WWOX: variants seen among roughly 807,000 people sequenced by gnomAD.
WWOX encodes WW domain containing oxidoreductase, also known as WW domain-containing oxidoreductase.
A neutral mutation model predicts 46.2 loss-of-function variants in WWOX; 69 were observed. The ratio of observed to expected loss-of-function variants is 1.49; its 90% CI spans 1.23 to 1.82. The LOEUF (loss-of-function observed/expected upper bound fraction) is 1.82. Ranked by LOEUF, WWOX falls within the 40% of genes most tolerant of loss-of-function variation. WWOX has a pLI of 0.00. For missense variants in WWOX, 919 were observed against 542.6 expected (o/e 1.69, Z -6.89); for synonymous variants, 359 against 202.6 (o/e 1.77, Z -6.56).
chr16:78,605,357 T>C (rs1018330707), intron 8 of WWOX, among the ~76,000 whole-genome samples: 5 of 151,108 alleles, frequency 3.3e-5, no homozygotes, highest in African/African-American at 1.2e-4. Context: ...ACTTCTTAAG[T>C]CCTTAAAAAA....
chr16:78,518,080 G>A (rs558909226), intron 8 of WWOX, among the ~76,000 whole-genome samples: 1 of 152,176 alleles, frequency 6.6e-6, no homozygotes, highest in African/African-American at 2.4e-5. Flanking sequence ...TTCCCCATCT[G>A]TTGGATCAGA....
At chr16:79,042,978 C>T (rs550796384) in intron 8 of WWOX, among the ~76,000 whole-genome samples, 1 of 152,090 alleles carries the variant, frequency 6.6e-6, no homozygotes, top group Non-Finnish European at 1.5e-5. Context: ...TGACTGTCTG[C>T]TAAGATTCAC....
chr16:78,259,762 C>A (rs1014049168), intron 5 of WWOX, among the ~76,000 whole-genome samples: 3 of 150,880 alleles, frequency 2.0e-5, no homozygotes, highest in African/African-American at 7.3e-5. Context: ...AGATCTCTAT[C>A]AAAAGTTTTA....
intron 5 of WWOX, among the ~76,000 whole-genome samples, chr16:78,172,574 T>C (rs1328259230): frequency 1.3e-5 from 2 of 151,874 alleles, no homozygotes; most frequent in Non-Finnish European, 2.9e-5. Flanking sequence ...CTTTGATCAT[T>C]GTCTTTGTGT....
At chr16:79,165,840 C>T (rs770783751) in intron 8 of WWOX, among the ~76,000 whole-genome samples, 3 of 152,178 alleles carry the variant, frequency 2.0e-5, no homozygotes, top group Non-Finnish European at 4.4e-5. Context: ...GGTCGCCGAA[C>T]CGGGAACAGG....
chr16:79,069,906 C>T (rs2048516526), intron 8 of WWOX, among the ~76,000 whole-genome samples: 1 of 152,220 alleles, frequency 6.6e-6, no homozygotes, highest in African/African-American at 2.4e-5. Flanking sequence ...AAATTTTTTC[C>T]CCCTCTATGA....
At chr16:78,715,690 T>G (rs113787370) in intron 8 of WWOX, among the ~76,000 whole-genome samples, 1 of 152,200 alleles carries the variant, frequency 6.6e-6, no homozygotes, top group Non-Finnish European at 1.5e-5. Context: ...TTGGCCAGGC[T>G]GGTCTCGAAC....
intron 8 of WWOX, among the ~76,000 whole-genome samples, chr16:78,581,571 C>T (rs1457794979): frequency 6.6e-6 from 1 of 152,038 alleles, no homozygotes; most frequent in Non-Finnish European, 1.5e-5. Flanking sequence ...TATTGTGAAC[C>T]TCTAGGAATG....
intron 8 of WWOX, among the ~76,000 whole-genome samples, chr16:79,040,871 C>T (rs2047958127): frequency 6.6e-6 from 1 of 152,034 alleles, no homozygotes. Context: ...ACTTAGCTAG[C>T]TGTTGCCCAG....
At chr16:78,935,097 G>C (rs2045708202) in intron 8 of WWOX, among the ~76,000 whole-genome samples, 1 of 152,050 alleles carries the variant, frequency 6.6e-6, no homozygotes, top group Non-Finnish European at 1.5e-5. Context: ...TAAAAAGTCA[G>C]GAAAAAACAG....
chr16:79,102,045 G>A lies in WWOX; in HGVS notation c.1057-109563G>A, dbSNP rs922638645. Among the ~76,000 whole-genome samples, 224 of 123,462 alleles carry A rather than the reference G, an allele frequency of 1.8e-3. 2 individuals carry two copies. The highest frequency in any genetic ancestry group is 1.8e-3 in the Non-Finnish European group (107 of 58,462). The allele number at this position is 123,462 out of a possible 152,430, so 81.0% of individuals were successfully genotyped here. ...AGGTGGAGGGTGGTGGGGGTGGGGG[G>A]CAGGGAGTAGGGGGGAGGGGGGGAG... On this transcript the variant is annotated intron_variant, in intron 8 of 8. Transcript: ENST00000566780.
intron 8 of WWOX, among the ~76,000 whole-genome samples, chr16:78,870,212 A>T (rs952662329): frequency 8.5e-5 from 13 of 152,316 alleles, no homozygotes; most frequent in African/African-American, 3.1e-4. Flanking sequence ...CTTCCTCAAG[A>T]TTCTGTTGAT....
intron 4 of WWOX, among the ~76,000 whole-genome samples, chr16:78,132,824 C>A (rs1191690319): frequency 1.3e-5 from 2 of 152,160 alleles, no homozygotes; most frequent in African/African-American, 4.8e-5. Context: ...ATTAATCTGA[C>A]AATCTATACC....
At chr16:78,632,634 C>T (rs908642943) in intron 8 of WWOX, among the ~76,000 whole-genome samples, 2 of 140,200 alleles carry the variant, frequency 1.4e-5, no homozygotes, top group African/African-American at 5.4e-5. Context: ...TCTCAGCTCC[C>T]TGCAACCTCT....
At chr16:78,614,287 T>C (rs11862592) in intron 8 of WWOX, among the ~76,000 whole-genome samples, 4,986 of 152,336 alleles carry the variant, frequency 0.033, 306 homozygotes, top group African/African-American at 0.11. Context: ...GATAAATAGA[T>C]GCACAAAGCA....
At chr16:79,058,478 A>G (rs2048305329) in intron 8 of WWOX, among the ~76,000 whole-genome samples, 1 of 152,104 alleles carries the variant, frequency 6.6e-6, no homozygotes, top group Non-Finnish European at 1.5e-5. Flanking sequence ...GAGAGGGAAG[A>G]AGGGGAAAAA....
chr16:78,917,027 G>C (rs1243862641), intron 8 of WWOX, among the ~76,000 whole-genome samples: 1 of 152,030 alleles, frequency 6.6e-6, no homozygotes, highest in Non-Finnish European at 1.5e-5. Flanking sequence ...CTCACTCCTT[G>C]GGTCTTATGA....
intron 8 of WWOX, among the ~76,000 whole-genome samples, chr16:79,001,315 C>G (rs939135086): frequency 3.3e-5 from 5 of 152,054 alleles, no homozygotes; most frequent in African/African-American, 7.2e-5. Context: ...TCTCCCTCCC[C>G]CTATTCTCAG....
intron 8 of WWOX, among the ~76,000 whole-genome samples, chr16:78,748,314 C>G (rs1033609199): frequency 3.9e-5 from 6 of 152,206 alleles, no homozygotes; most frequent in Non-Finnish European, 7.3e-5. Flanking sequence ...TCAAAAGACT[C>G]TATGCAAATA....
Sources: allele counts gnomAD v4.1 joint callset (sites outside exome capture counted in the v4.1 genomes callset), GRCh38; gene constraint gnomAD v4.1.1; transcripts MANE v1.5; gene names NCBI Gene and HGNC (gene_info 2026-07-23, HGNC 2026-07-21).